Variants in ADGRG2 observed in about 807,000 individuals in gnomAD.
The protein encoded by ADGRG2 is G protein-coupled receptor 64.
ADGRG2 carries 26 observed loss-of-function variants against 74.1 expected under a neutral mutation model. The ratio of observed to expected loss-of-function variants is 0.35; its 90% CI spans 0.26 to 0.49. The LOEUF (loss-of-function observed/expected upper bound fraction) is 0.49. ADGRG2 is among the 20% of genes least tolerant of loss of function. ADGRG2 has a pLI of 0.99. For synonymous variants in ADGRG2, 296 were observed against 295.2 expected, an observed-to-expected ratio of 1.00 and a Z score of -0.03; for missense variants, 619 against 763.1, an observed-to-expected ratio of 0.81 and a Z score of 2.22.
chrX:19,007,482 G>T, intron 19 of ADGRG2, 125 bp from the exon 20 acceptor site: 1 of 618,398 alleles, frequency 1.6e-6, no homozygotes, highest in African/African-American at 2.2e-5. Context: ...GAGGGACAAG[G>T]AGGAAAGTGA....
At chrX:19,103,459 C>T (rs1046282969) in intron 1 of ADGRG2, among the ~76,000 whole-genome samples, 5 of 111,785 alleles carry the variant, frequency 4.5e-5, no homozygotes, top group Admixed American at 9.5e-5. Context: ...GCTCTGCCTA[C>T]GGAGCAAACA....
intron 6 of ADGRG2, 143 bp downstream of exon 6, chrX:19,037,324 G>T (rs1473671564): frequency 2.0e-5 from 9 of 452,972 alleles, no homozygotes; most frequent in Non-Finnish European, 3.0e-5. Flanking sequence ...ACTCTCCAGG[G>T]TTGGCAAGTT....
At chrX:19,114,887 T>C (rs2062482968) in intron 1 of ADGRG2, among the ~76,000 whole-genome samples, 1 of 111,917 alleles carries the variant, frequency 8.9e-6, no homozygotes, top group Non-Finnish European at 1.9e-5. Context: ...ACCTTCTGTA[T>C]GACCTTAGAC....
chrX:18,993,684 A>G (rs1303303382), intron 28 of ADGRG2, among the ~76,000 whole-genome samples: 1 of 105,370 alleles, frequency 9.5e-6, no homozygotes, highest in Non-Finnish European at 1.9e-5. Flanking sequence ...TCATAAAAAA[A>G]AAGAAAAAAA....
chrX:19,004,318 T>G (rs2060188580), intron 23 of ADGRG2, among the ~76,000 whole-genome samples: 1 of 112,417 alleles, frequency 8.9e-6, no homozygotes, highest in African/African-American at 3.2e-5. Flanking sequence ...TCAGTAAAGC[T>G]TTTACATCCT....
At chrX:19,092,865 C>T (rs1190071828) in intron 1 of ADGRG2, among the ~76,000 whole-genome samples, 1 of 111,453 alleles carries the variant, frequency 9.0e-6, no homozygotes, top group Admixed American at 9.6e-5. Context: ...GATGACAAAA[C>T]GGCACTTTGT....
chrX:19,120,087 C>T (rs749198918), intron 1 of ADGRG2, among the ~76,000 whole-genome samples: 7 of 111,739 alleles, frequency 6.3e-5, no homozygotes, highest in Non-Finnish European at 1.1e-4. Context: ...GCTCTATCCC[C>T]CTTTTAATGA....
chrX:19,116,863 C>G lies in ADGRG2; in HGVS notation c.-47+5579G>C, dbSNP rs150895902. ...GGGTAGTCAAATCAATTTGGAAAAT[C>G]ATGATCATCAGTTTAAAATGAAATA... is the stretch of plus-strand genomic sequence containing the variant. On this transcript the variant is annotated intron_variant, in intron 1 of 28. Transcript: ENST00000379869. Among the ~76,000 whole-genome samples the G allele has an allele frequency of 4.3e-3, 481 of 112,129 alleles. 2 individuals carry two copies. Among genetic ancestry groups the G allele is most frequent in the African/African-American group, 0.015 (453 of 30,885 alleles).
intron 11 of ADGRG2, among the ~76,000 whole-genome samples, chrX:19,025,950 T>C (rs2060692207): frequency 8.9e-6 from 1 of 111,998 alleles, no homozygotes; most frequent in Non-Finnish European, 1.9e-5. Flanking sequence ...TTCCAGAGCA[T>C]TGATCTTTTC....
At chrX:19,090,706 GTATT>G (rs2062003415) in intron 1 of ADGRG2, among the ~76,000 whole-genome samples, 2 of 81,100 alleles carry the variant, frequency 2.5e-5, no homozygotes, top group Non-Finnish European at 4.2e-5. Flanking sequence ...CCTGAATGAT[GTATT>G]TTTTTTTTGC....
At chrX:18,998,763 T>G (rs1159102867) in intron 26 of ADGRG2, among the ~76,000 whole-genome samples, 1 of 111,182 alleles carries the variant, frequency 9.0e-6, no homozygotes, top group Non-Finnish European at 1.9e-5. Context: ...GTACATTTGT[T>G]TAGACATCAT....
At chrX:19,100,556 A>T (rs1052565322) in intron 1 of ADGRG2, among the ~76,000 whole-genome samples, 56 of 112,869 alleles carry the variant, frequency 5.0e-4, no homozygotes, top group African/African-American at 1.8e-3. Flanking sequence ...CCCAAGATTC[A>T]TTTTCCTCCA....
intron 1 of ADGRG2, among the ~76,000 whole-genome samples, chrX:19,090,322 G>A (rs909112875): frequency 7.2e-5 from 8 of 111,541 alleles, no homozygotes; most frequent in African/African-American, 2.3e-4. Context: ...ACTGTGACCT[G>A]TTAAGTGTGT....
At chrX:19,008,523 G>A (rs757959729) in intron 18 of ADGRG2, among the ~76,000 whole-genome samples, 3 of 110,603 alleles carry the variant, frequency 2.7e-5, no homozygotes, top group Admixed American at 9.7e-5. Flanking sequence ...AAAATTAGCC[G>A]GGTGTGGTGG....
At chrX:19,098,408 A>G (rs1240699314) in intron 1 of ADGRG2, among the ~76,000 whole-genome samples, 1 of 112,234 alleles carries the variant, frequency 8.9e-6, no homozygotes, top group Non-Finnish European at 1.9e-5. Context: ...CTTGATACAC[A>G]GCAAAATGCC....
chrX:19,030,141 A>C (rs1412811196), intron 9 of ADGRG2, among the ~76,000 whole-genome samples: 1 of 112,422 alleles, frequency 8.9e-6, no homozygotes, highest in Non-Finnish European at 1.9e-5. Context: ...AAGGAATGGA[A>C]TAAAGAAAAT....
chrX:19,108,895 G>A (rs2062363728), intron 1 of ADGRG2, among the ~76,000 whole-genome samples: 1 of 111,288 alleles, frequency 9.0e-6, no homozygotes. Context: ...TTCAATAAAA[G>A]TTTAATTTAA....
At chrX:19,067,153 A>G (rs1346364730) in intron 3 of ADGRG2, among the ~76,000 whole-genome samples, 1 of 112,049 alleles carries the variant, frequency 8.9e-6, no homozygotes. Context: ...CTTCATTTAC[A>G]TAGGGCATAC....
intron 1 of ADGRG2, among the ~76,000 whole-genome samples, chrX:19,114,008 G>A (rs186756874): frequency 7.7e-5 from 8 of 104,500 alleles, no homozygotes; most frequent in East Asian, 3.0e-4. Context: ...GGAGGCAGAG[G>A]TTGCAGTGAG....
Sources: gnomAD v4.1 joint callset for allele counts (sites outside exome capture counted in the v4.1 genomes callset) on GRCh38, gnomAD v4.1.1 for gene constraint, MANE v1.5 for transcripts, NCBI Gene and HGNC (gene_info 2026-07-23, HGNC 2026-07-21) for gene names.